ZC3H12B: variants seen among roughly 807,000 people sequenced by gnomAD.
The protein encoded by ZC3H12B is zinc finger CCCH-type containing 12B.
Under a neutral mutation model 43.9 loss-of-function variants are expected in ZC3H12B, and 7 were observed. The ratio of observed to expected loss-of-function variants is 0.16; its 90% confidence interval spans 0.09 to 0.30. The LOEUF is 0.30. Among genes scored for constraint, ZC3H12B ranks in the 10% least tolerant of loss-of-function variants. The pLI is 1.00. For synonymous variants in ZC3H12B, 222 were observed against 241.7 expected, an observed-to-expected ratio of 0.92 and a Z score of 0.76; for missense variants, 475 against 670.2, an observed-to-expected ratio of 0.71 and a Z score of 3.22.
At chrX:65,309,755 A>T in the ZC3H12B span, among the ~76,000 whole-genome samples, 1 of 112,178 alleles carries the variant, frequency 8.9e-6, no homozygotes, top group East Asian at 2.8e-4. Flanking sequence ...CCTCAGTAAA[A>T]TACTGGCAAA....
At chrX:65,090,405 A>C in the ZC3H12B span, among the ~76,000 whole-genome samples, 1 of 112,305 alleles carries the variant, frequency 8.9e-6, no homozygotes, top group Non-Finnish European at 1.9e-5. Context: ...TTTGATAAAT[A>C]GATGTAGGAT....
chrX:65,207,651 G>T, the ZC3H12B span, among the ~76,000 whole-genome samples: 1 of 105,227 alleles, frequency 9.5e-6, no homozygotes, highest in Admixed American at 1.0e-4. Flanking sequence ...GATTGACTTG[G>T]CAATGCGGGC....
the ZC3H12B span, among the ~76,000 whole-genome samples, chrX:65,134,284 G>A: frequency 9.0e-6 from 1 of 110,923 alleles, no homozygotes; most frequent in African/African-American, 3.3e-5. Context: ...GAGAACGTGG[G>A]TGAATGACCA....
intron 4 of ZC3H12B, among the ~76,000 whole-genome samples, chrX:65,500,709 A>G (rs923857110): frequency 9.1e-6 from 1 of 109,967 alleles, no homozygotes; most frequent in Non-Finnish European, 1.9e-5. Context: ...GATTACAGGC[A>G]TGAGCCACCG....
chrX:65,311,116 C>T, the ZC3H12B span, among the ~76,000 whole-genome samples: 1 of 111,934 alleles, frequency 8.9e-6, no homozygotes, highest in African/African-American at 3.3e-5. Context: ...ACACCAAAAG[C>T]AATGGCAACA....
chrX:65,166,182 C>T, the ZC3H12B span, among the ~76,000 whole-genome samples: 285 of 110,906 alleles, frequency 2.6e-3, 2 homozygotes, highest in African/African-American at 9.0e-3. Context: ...TCTCCTAATG[C>T]TATCCCTCCC....
chrX:65,108,475 C>T, the ZC3H12B span, among the ~76,000 whole-genome samples: 6 of 109,086 alleles, frequency 5.5e-5, no homozygotes. Context: ...CGTAGGCCAA[C>T]GCAGGGCCAG....
chrX:65,326,399 C>G, the ZC3H12B span, among the ~76,000 whole-genome samples: 12 of 110,798 alleles, frequency 1.1e-4, no homozygotes, highest in Admixed American at 9.6e-4. Flanking sequence ...GTGAAATAAG[C>G]CAAGCACAGA....
chrX:65,150,050 C>G, the ZC3H12B span, among the ~76,000 whole-genome samples: 1 of 110,154 alleles, frequency 9.1e-6, no homozygotes, highest in African/African-American at 3.3e-5. Context: ...ATTTGAAACC[C>G]CAGTGTCGTG....
chrX:65,463,008 A>C (rs899632758), intron 3 of ZC3H12B, among the ~76,000 whole-genome samples: 1 of 112,390 alleles, frequency 8.9e-6, no homozygotes, highest in Non-Finnish European at 1.9e-5. Context: ...AAGTGAATTA[A>C]TGCAGGAACA....
the ZC3H12B span, among the ~76,000 whole-genome samples, chrX:65,236,839 C>T: frequency 8.9e-6 from 1 of 111,841 alleles, no homozygotes; most frequent in Admixed American, 9.5e-5. Flanking sequence ...TCAGGTTTGT[C>T]ATAGATCAGA....
intron 2 of ZC3H12B, among the ~76,000 whole-genome samples, chrX:65,376,249 A>C (rs760151228): frequency 3.6e-5 from 4 of 112,378 alleles, no homozygotes; most frequent in African/African-American, 1.3e-4. Context: ...GCACCAACTC[A>C]GCCATAGTAC....
At chrX:65,507,049 C>T (rs1312641151) in exon 5 of ZC3H12B, 1 of 111,713 alleles carries the variant, frequency 9.0e-6, no homozygotes, top group Non-Finnish European at 1.9e-5. Flanking sequence ...TATCTTTATA[C>T]AGTAATTCAA....
chrX:65,358,511 A>T, the ZC3H12B span, among the ~76,000 whole-genome samples: 1 of 112,028 alleles, frequency 8.9e-6, no homozygotes, highest in East Asian at 2.8e-4. Flanking sequence ...ATCAAATCAG[A>T]ACTCAGGATT....
the ZC3H12B span, among the ~76,000 whole-genome samples, chrX:65,046,324 A>G: frequency 8.9e-6 from 1 of 111,958 alleles, no homozygotes; most frequent in Non-Finnish European, 1.9e-5. Flanking sequence ...AGCTACTTTC[A>G]TCCATTATCT....
At chrX:65,171,870 C>T in the ZC3H12B span, among the ~76,000 whole-genome samples, 1 of 110,738 alleles carries the variant, frequency 9.0e-6, no homozygotes, top group South Asian at 3.9e-4. Flanking sequence ...CCTGGTGTGC[C>T]GTTTGCTAAG....
At chrX:65,182,023 C>T in the ZC3H12B span, among the ~76,000 whole-genome samples, 5 of 111,966 alleles carry the variant, frequency 4.5e-5, no homozygotes, top group Non-Finnish European at 9.4e-5. Flanking sequence ...CTATGATAGA[C>T]TGGATAAAGA....
rs1365719093 is a variant in ZC3H12B, at chrX:65,408,406, C to G, written n.407+9702C>G. The G allele has an allele frequency of 6.6e-6, 8 of 1,205,497 alleles. No individual in the cohort carries two copies. The South Asian group carries it at 1.2e-4, about 19-fold the overall frequency. ...ATCAACAACAGGTGGCCCAGGCTGT[C>G]GAACGTGCCAAACAGGTGACCATGG... On this transcript the variant is annotated intron_variant and non_coding_transcript_variant, in intron 3 of 5. Coordinates refer to the ZC3H12B transcript ENST00000617377.
At chrX:65,138,069 A>G in the ZC3H12B span, among the ~76,000 whole-genome samples, 831 of 111,922 alleles carry the variant, frequency 7.4e-3, 10 homozygotes, top group African/African-American at 0.025. Flanking sequence ...ACCTCAGGCA[A>G]TCCTCCCGCC....
Sources: allele counts gnomAD v4.1 joint callset (sites outside exome capture counted in the v4.1 genomes callset), GRCh38; gene constraint gnomAD v4.1.1; transcripts MANE v1.5; gene names NCBI Gene and HGNC (gene_info 2026-07-23, HGNC 2026-07-21).